The following EPB41L1 variants were observed in gnomAD, a reference collection of about 807,000 sequenced individuals.
EPB41L1 encodes the protein band 4.1-like protein 1.
Under a neutral mutation model 97.8 loss-of-function variants are expected in EPB41L1, and 29 were observed. That is an observed-to-expected ratio of 0.30 (90% CI 0.22 to 0.40). The LOEUF (loss-of-function observed/expected upper bound fraction) is 0.40, where lower values mean the gene tolerates loss of function less well. EPB41L1 is among the 10% of genes least tolerant of loss of function. EPB41L1 has a pLI of 1.00. For missense variants in EPB41L1, 812 were observed against 1,162.3 expected (o/e 0.70, Z 4.38); for synonymous variants, 383 against 459.2 (o/e 0.83, Z 2.12).
intron 1 of EPB41L1, among the ~76,000 whole-genome samples, chr20:36,163,226 G>C (rs1224712301): frequency 6.6e-6 from 1 of 151,718 alleles, no homozygotes; most frequent in African/African-American, 2.4e-5. Context: ...GGAGAAAAAG[G>C]CCCCTATTTC....
chr20:36,215,227 A>G (rs553280460), intron 17 of EPB41L1, among the ~76,000 whole-genome samples: 1 of 152,126 alleles, frequency 6.6e-6, no homozygotes, highest in East Asian at 1.9e-4. Context: ...TCAGAGAGGT[A>G]AAGCGACTTA....
intron 2 of EPB41L1, among the ~76,000 whole-genome samples, chr20:36,133,855 C>CAAA (rs57803389): frequency 1.3e-4 from 10 of 75,880 alleles, no homozygotes; most frequent in African/African-American, 4.5e-4. Context: ...GAGACCCTGT[C>CAAA]AAAAAAAAAA....
chr20:36,110,591 ACT>A (rs1257473548), intron 1 of EPB41L1: 4 of 149,666 alleles, frequency 2.7e-5, no homozygotes, highest in African/African-American at 7.9e-5. Context: ...ACACACACAC[ACT>A]CTCACATCCC....
rs1382801204 is a variant in EPB41L1 at position 36,107,079 on chromosome 20, G to T, written c.-64-5347G>T. Among the ~76,000 whole-genome samples the T allele has an allele frequency of 3.3e-5, 5 of 151,964 alleles. No individual in the cohort carries two copies. In the East Asian group the frequency reaches 9.6e-4, roughly 29 times the overall value. On this transcript the variant is annotated intron_variant, in intron 1 of 19. Transcript: ENST00000202028. ...AAGGATTTCAGGCATGAGCCACCAAGCCCAGCCAAATTTTAAATTTTATTT... is the reference window on the plus strand; with the variant it reads ...AAGGATTTCAGGCATGAGCCACCAATCCCAGCCAAATTTTAAATTTTATTT...
At chr20:36,105,757 C>T (rs1005717201) in intron 1 of EPB41L1, among the ~76,000 whole-genome samples, 16 of 152,164 alleles carry the variant, frequency 1.1e-4, no homozygotes, top group Non-Finnish European at 2.2e-4. Context: ...GGAACTACCT[C>T]CTGCTGAAAT....
chr20:36,155,194 G>A (rs1233929825), intron 1 of EPB41L1: 2 of 456,382 alleles, frequency 4.4e-6, no homozygotes, highest in African/African-American at 4.0e-5. Context: ...TCTTTTCGGA[G>A]AGCACTCCTG....
rs114574921 is a variant in EPB41L1 at position 36,115,176 on chromosome 20, G to A, written c.-10+2696G>A. On this transcript the variant is annotated intron_variant, in intron 2 of 19. Coordinates refer to the EPB41L1 transcript ENST00000202028. ...ATTACTATTATTTCCCCATATTATC[G>A]ATGAGGAAACTGAGGCCCTGTTAAG... Among the ~76,000 whole-genome samples the A allele has an allele frequency of 9.6e-3, 1,460 of 152,134 alleles. 24 individuals are homozygous for A. The highest frequency in any genetic ancestry group is 0.034 in the African/African-American group (1,394 of 41,494).
At chr20:36,228,115 C>T (rs2064285029) in intron 21 of EPB41L1, among the ~76,000 whole-genome samples, 1 of 152,218 alleles carries the variant, frequency 6.6e-6, no homozygotes, top group Admixed American at 6.5e-5. Flanking sequence ...ATTCCGTTAG[C>T]ACTCGACTGC....
intron 1 of EPB41L1, among the ~76,000 whole-genome samples, chr20:36,161,929 T>C (rs542648764): frequency 6.6e-6 from 1 of 151,962 alleles, no homozygotes; most frequent in South Asian, 2.1e-4. Context: ...CCCGGCTAAT[T>C]TGGGGGGGGC....
intron 1 of EPB41L1, chr20:36,091,639 T>C (rs2057668777): frequency 6.6e-6 from 1 of 152,198 alleles, no homozygotes; most frequent in Admixed American, 6.5e-5. Flanking sequence ...TAGCAGGCCT[T>C]TGCATGTCTT....
chr20:36,178,778 C>A (rs1301096745), intron 5 of EPB41L1, 106 bp downstream of exon 5: 1 of 1,261,934 alleles, frequency 7.9e-7, no homozygotes, highest in Non-Finnish European at 1.2e-6. Flanking sequence ...CATTTCAGGC[C>A]AGGCGTTGTG....
At chr20:36,118,951 G>C (rs950805809) in intron 2 of EPB41L1, among the ~76,000 whole-genome samples, 12 of 152,298 alleles carry the variant, frequency 7.9e-5, no homozygotes, top group African/African-American at 2.9e-4. Flanking sequence ...AATTGAATTA[G>C]AGTTTTAGAG....
intron 21 of EPB41L1, 48 bp from the exon 22 acceptor site, chr20:36,229,284 T>TGC: frequency 4.2e-6 from 6 of 1,440,974 alleles, no homozygotes; most frequent in South Asian, 1.2e-5. Flanking sequence ...TTCCTTCCTT[T>TGC]CCCCCCACTC....
intron 14 of EPB41L1, among the ~76,000 whole-genome samples, chr20:36,208,707 T>C (rs2062964165): frequency 6.6e-6 from 1 of 152,170 alleles, no homozygotes; most frequent in African/African-American, 2.4e-5. Context: ...CAAAAATGTG[T>C]GTGTGGTGTT....
At chr20:36,101,970 A>G (rs1021772403) in intron 1 of EPB41L1, among the ~76,000 whole-genome samples, 1 of 151,898 alleles carries the variant, frequency 6.6e-6, no homozygotes, top group African/African-American at 2.4e-5. Flanking sequence ...ACACCATTGC[A>G]CTCCAGCCTG....
At position 36,190,404 on chromosome 20, in the gene EPB41L1, G is replaced by C. The variant is rs1181457553; in HGVS notation, c.1124+30G>C. The C allele has an allele frequency of 3.7e-6, 6 of 1,608,706 alleles. No individual in the cohort carries two copies. The highest frequency in any genetic ancestry group is 5.1e-6 in the Non-Finnish European group (6 of 1,176,316). ...GCCTGACCTTGGATGGGGTAATGGG[G>C]ATGGGGCAGAGGCCATGTGTATGGA... is the stretch of plus-strand genomic sequence containing the variant. On this transcript the variant is annotated intron_variant, in intron 10 of 21. Transcript: ENST00000338074. This position sits in a 1 kb window ranked among gnomAD's most constrained non-coding sequence, Gnocchi z 5.8.
At chr20:36,222,222 GTC>G in intron 20 of EPB41L1, 54 bp from the exon 21 acceptor site, 2 of 1,469,706 alleles carry the variant, frequency 1.4e-6, no homozygotes, top group Non-Finnish European at 1.9e-6. Flanking sequence ...GTTCTTCACA[GTC>G]TCTCTCGTCT....
At chr20:36,175,784 G>C (rs1569210525) in intron 3 of EPB41L1, 69 bp downstream of exon 3, 1 of 1,578,262 alleles carries the variant, frequency 6.3e-7, no homozygotes, top group South Asian at 1.1e-5. Context: ...GCAGGCTCCT[G>C]TGTGTACCCA....
intron 1 of EPB41L1, chr20:36,155,132 G>A (rs551874612): frequency 2.1e-6 from 1 of 467,068 alleles, no homozygotes; most frequent in South Asian, 1.5e-5. Context: ...GGTTGGTCCT[G>A]CTGTAGGATG....
Sources: allele counts gnomAD v4.1 joint callset (sites outside exome capture counted in the v4.1 genomes callset), GRCh38; gene constraint gnomAD v4.1.1; non-coding constraint Gnocchi (gnomAD v3.1); transcripts MANE v1.5; gene names NCBI Gene and HGNC (gene_info 2026-07-23, HGNC 2026-07-21).